The following STAM variants were observed in gnomAD, a reference collection of about 807,000 sequenced individuals.
STAM encodes signal transducing adaptor molecule, also known as signal transducing adapter molecule 1.
STAM carries 16 observed loss-of-function variants against 63.4 expected under a neutral mutation model. The ratio of observed to expected loss-of-function variants is 0.25; its 90% CI spans 0.17 to 0.38. STAM has a LOEUF of 0.38. Among genes scored for constraint, STAM ranks in the 10% least tolerant of loss-of-function variants. The probability of loss-of-function intolerance (pLI) is 1.00; values close to 1 mark genes in which losing one functional copy is unlikely to be tolerated. For missense variants in STAM, 636 were observed against 657.1 expected (o/e 0.97, Z 0.35); for synonymous variants, 238 against 223.9 (o/e 1.06, Z -0.56).
chr10:17,671,418 C>A (rs1242966434), intron 2 of STAM, among the ~76,000 whole-genome samples: 1 of 152,204 alleles, frequency 6.6e-6, no homozygotes, highest in Non-Finnish European at 1.5e-5. Flanking sequence ...TTTGTATTAA[C>A]ATTCTGATAA....
rs964579366 is a variant in STAM, at chr10:17,672,812, T to G, written c.126-11863T>G. On this transcript the variant is annotated intron_variant, in intron 2 of 13. Transcript: ENST00000377524. ...TGGAAACTGACCTTAAGAATGTTGTTCTTCTGTGACATCTTACAGCAGTGT... is the reference window on the plus strand; with the variant it reads ...TGGAAACTGACCTTAAGAATGTTGTGCTTCTGTGACATCTTACAGCAGTGT... Among the ~76,000 whole-genome samples, 3 of 152,180 alleles carry G rather than the reference T, an allele frequency of 2.0e-5. No individual in the cohort carries two copies. The East Asian group carries it at 5.8e-4, about 29-fold the overall frequency.
intron 1 of STAM, among the ~76,000 whole-genome samples, chr10:17,653,925 T>A (rs1554821846): frequency 6.6e-6 from 1 of 152,198 alleles, no homozygotes. Flanking sequence ...TAATTGTAAG[T>A]ATAGTACTTT....
rs187058156 is a variant in STAM at position 17,713,537 on chromosome 10, A to G, written c.1386-1006A>G. Among the ~76,000 whole-genome samples, 32 of 151,470 alleles carry G rather than the reference A, an allele frequency of 2.1e-4. 1 individual carries two copies. The highest frequency in any genetic ancestry group is 7.5e-4 in the African/African-American group (31 of 41,344). On this transcript the variant is annotated intron_variant, in intron 13 of 13. Transcript: ENST00000377524. ...CCACCCCCGAGTCTACTATGGTCCC[A>G]TCATAGTATTCTGAAAATCAGTGAA...
chr10:17,687,966 G>A, intron 4 of STAM, 61 bp from the exon 5 acceptor site: 1 of 1,362,766 alleles, frequency 7.3e-7, no homozygotes, highest in Non-Finnish European at 9.8e-7. Flanking sequence ...TATTTAAAAT[G>A]TCTGTATTAA....
chr10:17,714,960 C>T lies in STAM; in HGVS notation c.*180C>T. On this transcript the variant is annotated 3_prime_UTR_variant, in exon 14 of 14. Transcript: ENST00000377524. ...TTACACTGACTTTTTAGAGGTTCTTCCCCCCCCGCCCCTGCAGAGGAATGA... is the reference window on the plus strand; with the variant it reads ...TTACACTGACTTTTTAGAGGTTCTTTCCCCCCCGCCCCTGCAGAGGAATGA... 3.5e-6 allele frequency: 2 copies of T among 564,388 alleles called. No individual in the cohort carries two copies. Among genetic ancestry groups the T allele is most frequent in the Admixed American group, 3.3e-5 (1 of 30,220 alleles). 35.0% of individuals were successfully genotyped at this position (564,388 alleles called of 1,614,324 possible).
chr10:17,672,237 C>G (rs886559787), intron 2 of STAM, among the ~76,000 whole-genome samples: 1 of 152,140 alleles, frequency 6.6e-6, no homozygotes, highest in African/African-American at 2.4e-5. Context: ...AACAGTATAC[C>G]TATAAGTAGA....
At chr10:17,697,989 G>A (rs1426269810) in intron 8 of STAM, among the ~76,000 whole-genome samples, 3 of 152,050 alleles carry the variant, frequency 2.0e-5, no homozygotes, top group African/African-American at 7.2e-5. Flanking sequence ...CTAATAGTGA[G>A]TCTTATAATA....
intron 13 of STAM, 148 bp from the exon 14 acceptor site, chr10:17,714,395 C>T (rs1275789833): frequency 1.4e-6 from 1 of 737,280 alleles, no homozygotes; most frequent in Non-Finnish European, 2.3e-6. Context: ...CCTAAAATAA[C>T]AATGTTTGGC....
intron 11 of STAM, 75 bp from the exon 12 acceptor site, chr10:17,705,513 T>G: frequency 6.7e-7 from 1 of 1,491,560 alleles, no homozygotes; most frequent in Non-Finnish European, 9.0e-7. Context: ...TTTTTGATAT[T>G]TTGATGTATC....
At chr10:17,699,291 G>A (rs943997637) in intron 8 of STAM, among the ~76,000 whole-genome samples, 7 of 152,164 alleles carry the variant, frequency 4.6e-5, no homozygotes, top group African/African-American at 1.7e-4. Flanking sequence ...ATATTCAATA[G>A]TTTAATAAAC....
intron 2 of STAM, among the ~76,000 whole-genome samples, 196 bp downstream of exon 2, chr10:17,660,744 AT>A (rs1376065819): frequency 6.6e-6 from 1 of 152,192 alleles, no homozygotes; most frequent in Non-Finnish European, 1.5e-5. Flanking sequence ...TCAGGGCAAC[AT>A]AGTGAGACCC....
chr10:17,663,870 G>C (rs1231647994), intron 2 of STAM, among the ~76,000 whole-genome samples: 4 of 151,696 alleles, frequency 2.6e-5, no homozygotes, highest in African/African-American at 9.7e-5. Flanking sequence ...GTTCTCCCTT[G>C]ATAATCTCAT....
chr10:17,670,148 G>T (rs1834577124), intron 2 of STAM, among the ~76,000 whole-genome samples: 1 of 152,150 alleles, frequency 6.6e-6, no homozygotes, highest in Admixed American at 6.5e-5. Flanking sequence ...GATAACAACA[G>T]AAGTCAAGTT....
At chr10:17,666,960 T>C (rs527392911) in intron 2 of STAM, among the ~76,000 whole-genome samples, 9 of 152,338 alleles carry the variant, frequency 5.9e-5, no homozygotes, top group African/African-American at 1.2e-4. Context: ...TATTGACTAC[T>C]TATTGTTTGC....
chr10:17,674,308 G>T (rs549408174), intron 2 of STAM, among the ~76,000 whole-genome samples: 1 of 152,216 alleles, frequency 6.6e-6, no homozygotes, highest in Admixed American at 6.5e-5. Context: ...CTAACACTTA[G>T]CTTAAAAGAG....
In STAM at chr10:17,702,823, C is replaced by T. The variant is rs371072460; in HGVS notation, c.913-1608C>T. Among the ~76,000 whole-genome samples the T allele has an allele frequency of 1.8e-4, 27 of 152,138 alleles. No individual in the cohort carries two copies. The East Asian group carries it at 3.7e-3, about 21-fold the overall frequency. ...AGGACATTGAGACCATCCTGGCCAACATGGTGAAACCCCGTCTCTACTAAA... is the reference window on the plus strand; with the variant it reads ...AGGACATTGAGACCATCCTGGCCAATATGGTGAAACCCCGTCTCTACTAAA... On this transcript the variant is annotated intron_variant, in intron 9 of 13. Transcript: ENST00000377524.
intron 1 of STAM, among the ~76,000 whole-genome samples, chr10:17,654,122 A>T (rs1398700025): frequency 2.0e-5 from 3 of 152,188 alleles, no homozygotes; most frequent in African/African-American, 7.2e-5. Context: ...TAGCATCAGA[A>T]GTATGCTAGC....
Position 17,667,300 on chromosome 10 carries a change from T to C in STAM, c.125+6752T>C, listed in dbSNP as rs1309943284. Among the ~76,000 whole-genome samples, 11 of 152,272 alleles carry C rather than the reference T, an allele frequency of 7.2e-5. No individual in the cohort carries two copies. The South Asian group carries it at 2.1e-3, about 29-fold the overall frequency. ...CGCCACCATGCCCGGCTATTTTGTA[T>C]TTTTAGTAGACATGGGGTTTCAACG... is the stretch of plus-strand genomic sequence containing the variant. On this transcript the variant is annotated intron_variant, in intron 2 of 13. Transcript: ENST00000377524.
rs1554826327 is a variant in STAM at position 17,688,169 on chromosome 10, C to T, written c.440C>T (p.Ser147Phe). 2 of 1,551,258 alleles carry T rather than the reference C, an allele frequency of 1.3e-6. No individual in the cohort carries two copies. The highest frequency in any genetic ancestry group is 2.3e-5 in the East Asian group (1 of 42,972). The change falls in exon 5 of 14, where the codon TCT becomes TTT. Residue 147 changes from serine (S) to phenylalanine (F), a missense_variant. By Grantham distance (155) the Ser-to-Phe change is radical. Transcript: ENST00000377524. Reference protein sequence around the residue: ...EQGVTFPAIGSQAAEQAKASP... With the variant: ...EQGVTFPAIGFQAAEQAKASP... Reference sequence around the variant, plus strand: ...GGAGTTACGTTCCCAGCTATTGGCTCTCAGGTATTTTGGGAATGAAGTTGT... The same window carrying T: ...GGAGTTACGTTCCCAGCTATTGGCTTTCAGGTATTTTGGGAATGAAGTTGT...
Sources: allele counts gnomAD v4.1 joint callset (sites outside exome capture counted in the v4.1 genomes callset), GRCh38; gene constraint gnomAD v4.1.1; transcripts MANE v1.5; gene names NCBI Gene and HGNC (gene_info 2026-07-23, HGNC 2026-07-21).